The following RYR3 variants were observed in gnomAD, a reference collection of about 807,000 sequenced individuals.
The protein encoded by RYR3 is ryanodine receptor 3.
Under a neutral mutation model 584.3 loss-of-function variants are expected in RYR3, and 207 were observed. The ratio of observed to expected loss-of-function variants is 0.35; its 90% CI spans 0.32 to 0.40. The LOEUF is 0.40. RYR3 is among the 10% of genes least tolerant of loss of function. The probability of loss-of-function intolerance (pLI) is 1.00; values close to 1 mark genes in which losing one functional copy is unlikely to be tolerated. For synonymous variants in RYR3, 2,416 were observed against 2,248.5 expected (o/e 1.07, Z -2.11); for missense variants, 5,616 against 6,089.2 (o/e 0.92, Z 2.59).
chr15:33,619,071 T>C (rs1163395332), intron 19 of RYR3, among the ~76,000 whole-genome samples: 2 of 152,216 alleles, frequency 1.3e-5, no homozygotes, highest in African/African-American at 4.8e-5. Flanking sequence ...CAGCTCTTAC[T>C]GAAGCTATTG....
At chr15:33,612,268 CAATT>C (rs1291212671) in intron 18 of RYR3, among the ~76,000 whole-genome samples, 2 of 152,190 alleles carry the variant, frequency 1.3e-5, no homozygotes, top group African/African-American at 4.8e-5. Context: ...GTTTTTTAAT[CAATT>C]CAGAGTATAA....
chr15:33,548,248 T>C (rs776766060), intron 9 of RYR3, 44 bp downstream of exon 9: 2 of 1,230,026 alleles, frequency 1.6e-6, no homozygotes, highest in Non-Finnish European at 2.4e-6. Context: ...TTACTTTCTT[T>C]TTCAGTACAG....
rs576487362 is a variant in RYR3, at chr15:33,690,208, G to A, written c.5861-6010G>A. On this transcript the variant is annotated intron_variant, in intron 38 of 103. Transcript: ENST00000634891. ...TCCAGCCTGCAGCCCACCTTTGTGC[G>A]TGTGCAGAGCGGGCTGAAGAAAGCC... Among the ~76,000 whole-genome samples the A allele has an allele frequency of 4.1e-4, 63 of 152,296 alleles. 1 individual carries two copies. Among genetic ancestry groups the A allele is most frequent in the African/African-American group, 1.3e-3 (54 of 41,564 alleles).
chr15:33,692,679 C>T (rs2152758805), intron 38 of RYR3, among the ~76,000 whole-genome samples: 1 of 146,882 alleles, frequency 6.8e-6, no homozygotes, highest in African/African-American at 2.5e-5. Flanking sequence ...TTATCCCGTT[C>T]TCTGACACTT....
chr15:33,486,819 G>A lies in RYR3; in HGVS notation c.171+13281G>A, dbSNP rs564730868. ...AGAATGAGTATCCTGTGATTAGGAA[G>A]TCCCCAAGAGAAGCAGGGTCCTTTG... On this transcript the variant is annotated intron_variant, in intron 2 of 103. Coordinates refer to ENST00000634891, the MANE Select transcript of RYR3 (RefSeq NM_001036.6). Among the ~76,000 whole-genome samples the A allele has an allele frequency of 5.9e-5, 9 of 152,244 alleles. No individual in the cohort carries two copies. In the East Asian group the frequency reaches 1.4e-3, roughly 23 times the overall value.
intron 1 of RYR3, among the ~76,000 whole-genome samples, chr15:33,385,924 C>T (rs1294502743): frequency 6.6e-6 from 1 of 152,020 alleles, no homozygotes; most frequent in Non-Finnish European, 1.5e-5. Flanking sequence ...AGGCTGGTCA[C>T]AAACTCCTGT....
chr15:33,628,561 T>C lies in RYR3; in HGVS notation c.2665T>C (p.Trp889Arg). ...LWGMNKIELG[W>R]TFGKIRDDNK... ...GGGAATGAATAAAATAGAACTTGGC[T>C]GGACTTTCGGCAAGGTATGTGTCTC... The change falls in exon 21 of 104, where the codon TGG (tryptophan) becomes CGG (arginine). Residue 889 changes from tryptophan to arginine, a missense_variant. By Grantham distance (101) the Trp-to-Arg change is moderately radical. This residue lies in a region of RYR3 where 1,284 missense variants were observed against 1,344.6 expected (regional missense o/e 0.95). Transcript: ENST00000634891. The C allele has an allele frequency of 6.2e-7, 1 of 1,612,372 alleles. No individual in the cohort carries two copies. The highest frequency in any genetic ancestry group is 8.5e-7 in the Non-Finnish European group (1 of 1,178,448).
intron 8 of RYR3, among the ~76,000 whole-genome samples, chr15:33,544,409 G>T (rs1322122559): frequency 6.6e-6 from 1 of 152,034 alleles, no homozygotes; most frequent in Non-Finnish European, 1.5e-5. Context: ...GTCTGATCCG[G>T]TGATCATGTT....
In RYR3 at chr15:33,330,205, A is replaced by C. The variant is rs185282512; in HGVS notation, c.51+19109A>C. On this transcript the variant is annotated intron_variant, in intron 1 of 103. Coordinates refer to ENST00000634891, the MANE Select transcript of RYR3 (RefSeq NM_001036.6). Reference sequence around the variant, plus strand: ...TTTTAGGGTACATGTTCTTTGTCCCAAAATCATCAGGCTACACCTCTTTAT... The same window carrying C: ...TTTTAGGGTACATGTTCTTTGTCCCCAAATCATCAGGCTACACCTCTTTAT... 9.7e-4 allele frequency among the ~76,000 whole-genome samples: 147 copies of C among 152,326 alleles called. 1 individual carries two copies. In the East Asian group the frequency reaches 0.023, roughly 24 times the overall value.
intron 24 of RYR3, among the ~76,000 whole-genome samples, chr15:33,634,279 G>C (rs1166764042): frequency 6.6e-6 from 1 of 152,102 alleles, no homozygotes; most frequent in Non-Finnish European, 1.5e-5. Flanking sequence ...TCAAACTCCT[G>C]ACCTCAAGTG....
rs145429498 is a variant in RYR3, at chr15:33,557,885, A to G, written c.973-4952A>G. 3.9e-3 allele frequency among the ~76,000 whole-genome samples: 593 copies of G among 152,266 alleles called. 5 individuals carry two copies. Among genetic ancestry groups the G allele is most frequent in the African/African-American group, 0.013 (530 of 41,550 alleles). ...CTGTCATTGGAGGCAGAGGATAATG[A>G]TTACTGCCCTTCAACACATAGTAGG... On this transcript the variant is annotated intron_variant, in intron 10 of 103. Transcript: ENST00000634891.
intron 19 of RYR3, among the ~76,000 whole-genome samples, chr15:33,615,364 T>C (rs570296504): frequency 2.0e-5 from 3 of 152,202 alleles, no homozygotes; most frequent in Non-Finnish European, 4.4e-5. Context: ...TTATATGTTT[T>C]CCAAAGTAGG....
chr15:33,407,071 G>C (rs1460478408), intron 1 of RYR3, among the ~76,000 whole-genome samples: 1 of 152,222 alleles, frequency 6.6e-6, no homozygotes, highest in Non-Finnish European at 1.5e-5. Flanking sequence ...CTCTGAAGGG[G>C]AGGAACACTG....
At chr15:33,610,714 TG>T (rs1444779815) in intron 18 of RYR3, among the ~76,000 whole-genome samples, 1 of 152,240 alleles carries the variant, frequency 6.6e-6, no homozygotes, top group Non-Finnish European at 1.5e-5. Context: ...TTAGATTTTT[TG>T]GGTTTGGGAA....
intron 1 of RYR3, among the ~76,000 whole-genome samples, chr15:33,453,239 GA>G (rs149459335): frequency 5.9e-5 from 9 of 151,624 alleles, no homozygotes; most frequent in East Asian, 1.9e-4. Flanking sequence ...AAGATTTGTA[GA>G]AAAAAAATAA....
chr15:33,664,676 G>A (rs963463480), intron 36 of RYR3, among the ~76,000 whole-genome samples: 1 of 147,792 alleles, frequency 6.8e-6, no homozygotes, highest in African/African-American at 2.5e-5. Flanking sequence ...CTCCTCCCCA[G>A]GGTTCTTGCA....
chr15:33,761,032 A>G (rs565517454), intron 60 of RYR3, among the ~76,000 whole-genome samples: 3 of 152,248 alleles, frequency 2.0e-5, no homozygotes, highest in Non-Finnish European at 4.4e-5. Flanking sequence ...GCAGAAATGA[A>G]TAAGTTTTTT....
intron 14 of RYR3, among the ~76,000 whole-genome samples, chr15:33,583,706 A>G (rs996001298): frequency 3.3e-5 from 5 of 152,144 alleles, no homozygotes; most frequent in Non-Finnish European, 7.3e-5. Flanking sequence ...GGATCAATTG[A>G]CGCCAAGAGT....
chr15:33,813,103 A>G, intron 73 of RYR3, 109 bp downstream of exon 73: 2 of 1,393,108 alleles, frequency 1.4e-6, no homozygotes, highest in Non-Finnish European at 9.9e-7. Flanking sequence ...AGACTGAGAA[A>G]ACAAGGACCA....
Sources: gnomAD v4.1 joint callset for allele counts (sites outside exome capture counted in the v4.1 genomes callset) on GRCh38, gnomAD v4.1.1 for gene constraint, gnomAD v4.1.1 regional missense constraint, MANE v1.5 for transcripts, NCBI Gene and HGNC (gene_info 2026-07-23, HGNC 2026-07-21) for gene names.